RBFOX1: variants seen among roughly 807,000 people sequenced by gnomAD.
RBFOX1 encodes the protein RNA binding protein fox-1 homolog 1.
In RBFOX1, 8 loss-of-function variants were observed where a neutral mutation model predicts 57.7. The ratio of observed to expected loss-of-function variants is 0.14; its 90% confidence interval spans 0.08 to 0.25. The LOEUF is 0.25. Ranked by LOEUF, RBFOX1 falls within the 10% of genes least tolerant of loss-of-function variation. RBFOX1 has a pLI of 1.00. For synonymous variants in RBFOX1, 326 were observed against 222.4 expected (o/e 1.47, Z -4.15); for missense variants, 611 against 548.5 (o/e 1.11, Z -1.14).
intron 4 of RBFOX1, among the ~76,000 whole-genome samples, chr16:7,385,053 G>T (rs1443872100): frequency 6.6e-6 from 1 of 152,192 alleles, no homozygotes; most frequent in African/African-American, 2.4e-5. Context: ...AAGAGGAGAG[G>T]ACCTTGGAAT....
intron 3 of RBFOX1, among the ~76,000 whole-genome samples, chr16:6,878,536 T>A (rs927624253): frequency 5.9e-5 from 9 of 152,186 alleles, no homozygotes; most frequent in African/African-American, 2.2e-4. Context: ...ACCTTTTAGA[T>A]TTTGGAGTCA....
At chr16:5,709,829 A>T (rs1446704820) in intron 3 of RBFOX1, among the ~76,000 whole-genome samples, 1 of 7,492 alleles carries the variant, frequency 1.3e-4, no homozygotes, top group African/African-American at 4.3e-4. Context: ...ATATATATAT[A>T]TATATATATA....
chr16:7,332,187 G>A (rs918183024), intron 4 of RBFOX1, among the ~76,000 whole-genome samples: 14 of 152,272 alleles, frequency 9.2e-5, no homozygotes, highest in Admixed American at 3.9e-4. Flanking sequence ...TGCCTTGTAC[G>A]AGCTATGTGA....
At chr16:6,923,491 A>G (rs1435005246) in intron 3 of RBFOX1, among the ~76,000 whole-genome samples, 1 of 152,102 alleles carries the variant, frequency 6.6e-6, no homozygotes, top group Non-Finnish European at 1.5e-5. Context: ...CAATATCACA[A>G]CACTGCACTC....
chr16:6,807,914 G>GTATATA (rs932439939), intron 3 of RBFOX1, among the ~76,000 whole-genome samples: 3,141 of 132,084 alleles, frequency 0.024, 116 homozygotes, highest in African/African-American at 0.08. Context: ...GTGTGTGTGT[G>GTATATA]TATATATATA....
chr16:5,858,591 A>G (rs765152497), intron 3 of RBFOX1, among the ~76,000 whole-genome samples: 2 of 152,214 alleles, frequency 1.3e-5, no homozygotes, highest in African/African-American at 2.4e-5. Context: ...AAGTAAAACT[A>G]TTCTTAGGTT....
intron 3 of RBFOX1, among the ~76,000 whole-genome samples, chr16:5,642,951 T>G (rs1485376756): frequency 6.6e-6 from 1 of 152,236 alleles, no homozygotes; most frequent in Admixed American, 6.5e-5. Flanking sequence ...GTATTCCTTT[T>G]GAGTTCCTCC....
chr16:7,356,275 C>G (rs138788781), intron 4 of RBFOX1, among the ~76,000 whole-genome samples: 1 of 152,086 alleles, frequency 6.6e-6, no homozygotes, highest in Non-Finnish European at 1.5e-5. Context: ...GGATGGAGGC[C>G]CACACAGGCA....
intron 2 of RBFOX1, among the ~76,000 whole-genome samples, chr16:6,611,076 A>G (rs1373243512): frequency 6.6e-6 from 1 of 152,204 alleles, no homozygotes; most frequent in Non-Finnish European, 1.5e-5. Context: ...CCTAAGAAGC[A>G]AAAGCAGGAA....
At chr16:7,362,095 G>C (rs1362577419) in intron 4 of RBFOX1, among the ~76,000 whole-genome samples, 1 of 151,220 alleles carries the variant, frequency 6.6e-6, no homozygotes, top group Non-Finnish European at 1.5e-5. Flanking sequence ...GTTTGCATAT[G>C]TGTGTTAGTG....
intron 3 of RBFOX1, among the ~76,000 whole-genome samples, chr16:6,716,719 G>A (rs1237978651): frequency 2.0e-5 from 3 of 152,112 alleles, no homozygotes; most frequent in Admixed American, 6.6e-5. Flanking sequence ...TTCACCAGTG[G>A]GCATGTAACC....
chr16:5,758,490 G>T (rs1397847395), intron 3 of RBFOX1, among the ~76,000 whole-genome samples: 1 of 152,132 alleles, frequency 6.6e-6, no homozygotes, highest in African/African-American at 2.4e-5. Context: ...CCTGTCTGTT[G>T]GATGAGAGCA....
intron 3 of RBFOX1, among the ~76,000 whole-genome samples, chr16:5,738,484 A>T (rs1263888704): frequency 2.0e-5 from 3 of 151,782 alleles, no homozygotes; most frequent in Non-Finnish European, 4.4e-5. Flanking sequence ...ATACAAAAAA[A>T]TTAGCTGGTC....
rs989625255 is a variant in RBFOX1 at position 6,479,700 on chromosome 16, T to C, written c.-64+162643T>C. 8.5e-5 allele frequency among the ~76,000 whole-genome samples: 13 copies of C among 152,188 alleles called. 1 individual carries two copies. The highest frequency in any genetic ancestry group is 3.1e-4 in the African/African-American group (13 of 41,528). ...CCCCATGATCCAATCACCTCCCACC[T>C]GGTTTCTCCCCTTGACACATGGGAA... On this transcript the variant is annotated intron_variant, in intron 2 of 15. Coordinates refer to ENST00000550418, the MANE Select transcript of RBFOX1 (RefSeq NM_018723.4).
intron 3 of RBFOX1, among the ~76,000 whole-genome samples, chr16:5,805,755 C>T (rs2055205121): frequency 6.6e-6 from 1 of 152,132 alleles, no homozygotes; most frequent in South Asian, 2.1e-4. Flanking sequence ...TCATAACCAA[C>T]CCATATTCTA....
At chr16:6,678,842 G>C (rs2058176268) in intron 3 of RBFOX1, among the ~76,000 whole-genome samples, 1 of 152,094 alleles carries the variant, frequency 6.6e-6, no homozygotes, top group Non-Finnish European at 1.5e-5. Context: ...GAGGCTGAGT[G>C]AGGCTGGGTA....
chr16:5,575,163 T>A (rs927229758), intron 2 of RBFOX1, among the ~76,000 whole-genome samples: 1 of 152,226 alleles, frequency 6.6e-6, no homozygotes, highest in African/African-American at 2.4e-5. Flanking sequence ...CTATGATGCT[T>A]CTGTTACCCT....
At chr16:7,486,588 C>T (rs72773030) in intron 4 of RBFOX1, among the ~76,000 whole-genome samples, 15,117 of 152,098 alleles carry the variant, frequency 0.099, 801 homozygotes, top group Non-Finnish European at 0.12. Flanking sequence ...CAGGGGAAGG[C>T]GAGCAAAGCA....
intron 4 of RBFOX1, among the ~76,000 whole-genome samples, chr16:7,352,567 C>G (rs1055498672): frequency 2.2e-4 from 34 of 152,262 alleles, no homozygotes; most frequent in African/African-American, 8.2e-4. Context: ...TGCAGCCATT[C>G]TCCAGGAAGA....
Sources: gnomAD v4.1 joint callset for allele counts (sites outside exome capture counted in the v4.1 genomes callset) on GRCh38, gnomAD v4.1.1 for gene constraint, MANE v1.5 for transcripts, NCBI Gene and HGNC (gene_info 2026-07-23, HGNC 2026-07-21) for gene names.